Variants in ST7L observed in about 807,000 individuals in gnomAD.
ST7L encodes the protein suppression of tumorigenicity 7 like, also known as suppressor of tumorigenicity 7 protein-like.
A neutral mutation model predicts 72.5 loss-of-function variants in ST7L; 57 were observed. The ratio of observed to expected loss-of-function variants is 0.79; its 90% CI spans 0.64 to 0.98. ST7L has a LOEUF of 0.98. Among genes scored for constraint, ST7L ranks in the 50% least tolerant of loss-of-function variants. ST7L has a pLI of 0.00. For synonymous variants in ST7L, 221 were observed against 240.9 expected (o/e 0.92, Z 0.77); for missense variants, 576 against 672.2 (o/e 0.86, Z 1.58).
At chr1:112,553,540 G>GA (rs1015188144) in intron 12 of ST7L, among the ~76,000 whole-genome samples, 14 of 151,920 alleles carry the variant, frequency 9.2e-5, no homozygotes, top group African/African-American at 2.7e-4. Context: ...CAGCAATTTG[G>GA]AAAAAAATGC....
chr1:112,519,688 C>T (rs1652751274), downstream of ST7L, among the ~76,000 whole-genome samples: 3 of 152,178 alleles, frequency 2.0e-5, no homozygotes, highest in South Asian at 6.2e-4. Flanking sequence ...AGGAATATGC[C>T]TCCAGCCAGT....
intron 12 of ST7L, among the ~76,000 whole-genome samples, chr1:112,551,512 A>C (rs776491291): frequency 4.5e-4 from 69 of 152,232 alleles, no homozygotes; most frequent in Admixed American, 1.9e-3. Context: ...GGTCTGGCCC[A>C]CTATGATTTT....
intron 5 of ST7L, among the ~76,000 whole-genome samples, chr1:112,592,458 A>G (rs963449597): frequency 1.3e-5 from 2 of 152,216 alleles, no homozygotes; most frequent in African/African-American, 2.4e-5. Context: ...CTTGTGTAAC[A>G]AAAATACATT....
At position 112,585,100 on chromosome 1, in the gene ST7L, C is replaced by A. The variant is rs142233207; in HGVS notation, c.702-974G>T. 3.1e-3 allele frequency among the ~76,000 whole-genome samples: 466 copies of A among 152,300 alleles called. 4 individuals are homozygous for A. The highest frequency in any genetic ancestry group is 0.011 in the African/African-American group (438 of 41,566). ...CTTATGCCAAGTTTTCTTTTCTTCA[C>A]CCCACTAAAACACAGAGGCTTTTCT... On this transcript the variant is annotated intron_variant, in intron 6 of 14. Transcript: ENST00000358039.
intron 14 of ST7L, chr1:112,528,165 T>C (rs1178040191): frequency 6.6e-6 from 1 of 152,160 alleles, no homozygotes; most frequent in East Asian, 1.9e-4. Context: ...TTTTAAAAGA[T>C]AGCTTTATGT....
At chr1:112,588,608 G>A (rs141537539) in intron 6 of ST7L, among the ~76,000 whole-genome samples, 1 of 152,126 alleles carries the variant, frequency 6.6e-6, no homozygotes, top group Non-Finnish European at 1.5e-5. Context: ...TATCATGATG[G>A]GGAACTCTGT....
chr1:112,538,282 A>G (rs1221190927), intron 14 of ST7L, among the ~76,000 whole-genome samples: 1 of 152,252 alleles, frequency 6.6e-6, no homozygotes, highest in Admixed American at 6.5e-5. Context: ...GCCAGTGCCT[A>G]GAACCTGAAA....
chr1:112,547,899 TAGG>T (rs1657431485), intron 13 of ST7L, among the ~76,000 whole-genome samples: 1 of 152,074 alleles, frequency 6.6e-6, no homozygotes, highest in African/African-American at 2.4e-5. Context: ...GTTAGCAGCC[TAGG>T]AGTTCAGAAT....
chr1:112,605,163 G>C (rs376211090), intron 3 of ST7L, among the ~76,000 whole-genome samples: 1 of 151,066 alleles, frequency 6.6e-6, no homozygotes, highest in Non-Finnish European at 1.5e-5. Flanking sequence ...AGACCAAGGC[G>C]GGTGGATCAA....
intron 12 of ST7L, among the ~76,000 whole-genome samples, chr1:112,555,504 G>A (rs1658962600): frequency 6.6e-6 from 1 of 152,282 alleles, no homozygotes; most frequent in Non-Finnish European, 1.5e-5. Flanking sequence ...GGCAGAGCTT[G>A]TGGTGAGCAG....
rs1289571930 is a variant in ST7L at position 112,576,996 on chromosome 1, T to C, written c.1235A>G (p.His412Arg). ...AIHRAVEFNP[H>R]VPKYLLEMKS... ...CATAAAATTTCTCACTTTTGGAACA[T>C]GAGGATTAAATTCCACAGCTCTATG... is the stretch of plus-strand genomic sequence containing the variant. The change falls in exon 11 of 15, where the codon CAT becomes CGT. Residue 412 changes from histidine (H) to arginine (R), a missense_variant. By Grantham distance (29) the His-to-Arg change is conservative. This residue lies in a region of ST7L where 511 missense variants were observed against 600.7 expected (regional missense o/e 0.85). Transcript: ENST00000358039. 6.3e-7 allele frequency: 1 copy of C among 1,599,298 alleles called. No homozygotes were observed. The highest frequency in any genetic ancestry group is 8.5e-7 in the Non-Finnish European group (1 of 1,171,310).
chr1:112,520,675 A>C (rs1402994302), downstream of ST7L: 3 of 710,808 alleles, frequency 4.2e-6, no homozygotes, highest in Non-Finnish European at 6.9e-6. Flanking sequence ...CTGGTTCCTT[A>C]GCCCTGGGAA....
intron 2 of ST7L, 70 bp from the exon 3 acceptor site, chr1:112,611,073 C>T: frequency 6.7e-7 from 1 of 1,487,682 alleles, no homozygotes; most frequent in Admixed American, 2.0e-5. Flanking sequence ...TTAAAACATT[C>T]TCTCAAGATG....
In ST7L at chr1:112,598,980, A is replaced by C. The variant is rs186281253; in HGVS notation, c.507-894T>G. Among the ~76,000 whole-genome samples the C allele has an allele frequency of 1.7e-3, 251 of 148,716 alleles. 2 individuals carry two copies. Among genetic ancestry groups the C allele is most frequent in the African/African-American group, 5.8e-3 (235 of 40,486 alleles). On this transcript the variant is annotated intron_variant, in intron 4 of 14. Coordinates refer to ENST00000358039, the MANE Select transcript of ST7L (RefSeq NM_017744.5). ...GAGGCTGAGGCAGAAGAATCACTTG[A>C]ACCCAGGAGGAGGAGATTGCAGTGA...
At chr1:112,520,814 C>T (rs1652831354), downstream of ST7L, 3 of 364,688 alleles carry the variant, frequency 8.2e-6, no homozygotes, top group Non-Finnish European at 1.5e-5. Flanking sequence ...GTAGTTGAGG[C>T]TCCTTTTTTC....
chr1:112,566,274 TTTTA>T (rs1264681988), intron 11 of ST7L, among the ~76,000 whole-genome samples: 2 of 150,956 alleles, frequency 1.3e-5, no homozygotes, highest in East Asian at 1.9e-4. Flanking sequence ...ACATATTTTC[TTTTA>T]TTTCTTTTTC....
intron 3 of ST7L, among the ~76,000 whole-genome samples, chr1:112,602,910 G>C (rs1250508960): frequency 3.3e-5 from 5 of 151,688 alleles, no homozygotes; most frequent in Non-Finnish European, 7.4e-5. Flanking sequence ...AGTAGAGACG[G>C]GGTTTCGCCA....
intron 13 of ST7L, among the ~76,000 whole-genome samples, chr1:112,548,294 G>A (rs1292315398): frequency 6.6e-6 from 1 of 152,144 alleles, no homozygotes; most frequent in Non-Finnish European, 1.5e-5. Flanking sequence ...GGAAGCAGAG[G>A]TTGCAGTGAG....
chr1:112,592,350 C>G (rs1184404736), intron 5 of ST7L, among the ~76,000 whole-genome samples: 1 of 152,158 alleles, frequency 6.6e-6, no homozygotes. Flanking sequence ...TGGAACAAAA[C>G]CTGCAACTGT....
Sources: gnomAD v4.1 joint callset for allele counts (sites outside exome capture counted in the v4.1 genomes callset) on GRCh38, gnomAD v4.1.1 for gene constraint, gnomAD v4.1.1 regional missense constraint, MANE v1.5 for transcripts, NCBI Gene and HGNC (gene_info 2026-07-23, HGNC 2026-07-21) for gene names.